The following ANKK1 variants were observed in gnomAD, a reference collection of about 807,000 sequenced individuals.
ANKK1 encodes the protein ankyrin repeat and protein kinase domain-containing protein 1.
Under a neutral mutation model 37.6 loss-of-function variants are expected in ANKK1, and 37 were observed. That is an observed-to-expected ratio of 0.98 (90% CI 0.76 to 1.29). The LOEUF (loss-of-function observed/expected upper bound fraction) is 1.29. Ranked by LOEUF, ANKK1 falls within the 50% of genes most tolerant of loss-of-function variation. The pLI, the probability that ANKK1 is intolerant of heterozygous loss-of-function variation, is 0.00. For synonymous variants in ANKK1, 415 were observed against 418.7 expected (o/e 0.99, Z 0.11); for missense variants, 1,019 against 990.6 (o/e 1.03, Z -0.39).
intron 1 of ANKK1, among the ~76,000 whole-genome samples, chr11:113,390,847 G>A (rs1950582129): frequency 6.6e-6 from 1 of 151,932 alleles, no homozygotes; most frequent in Admixed American, 6.6e-5. Context: ...GTCTAAAGGA[G>A]GAAGACAAAA....
In ANKK1 at chr11:113,387,796, C is replaced by T; in HGVS notation, c.-89C>T. ...GTCTCCCCATTCCCCTCTCCCGGAC[C>T]CGAGGAGCAGGAAGCGGCGGCTCCT... On this transcript the variant is annotated 5_prime_UTR_variant, in exon 1 of 8. Transcript: ENST00000303941. The T allele has an allele frequency of 7.2e-7, 1 of 1,391,488 alleles. No homozygotes were observed. Among genetic ancestry groups the T allele is most frequent in the African/African-American group, 1.5e-5 (1 of 67,814 alleles). 86.2% of individuals were successfully genotyped at this position (1,391,488 alleles called of 1,614,324 possible).
chr11:113,395,952 T>C lies in ANKK1; in HGVS notation c.683-115T>C. 7.4e-6 allele frequency: 9 copies of C among 1,212,316 alleles called. No individual in the cohort carries two copies. In the South Asian group the frequency reaches 1.2e-4, roughly 16 times the overall value. 75.1% of individuals were successfully genotyped at this position (1,212,316 alleles called of 1,614,324 possible). A position where few individuals can be genotyped will look rare whatever the true frequency, so the allele number is the denominator to read the frequency against. ...TAGCTGTTTACTCACCAAGCATTTG[T>C]GGAGCCCCCACTGCGTGCATGCCCT... On this transcript the variant is annotated intron_variant, in intron 4 of 7. Coordinates refer to ENST00000303941, the MANE Select transcript of ANKK1 (RefSeq NM_178510.2).
At chr11:113,390,668 G>A (rs1239677090) in intron 1 of ANKK1, among the ~76,000 whole-genome samples, 1 of 151,024 alleles carries the variant, frequency 6.6e-6, no homozygotes, top group African/African-American at 2.4e-5. Context: ...CCAGGAGGCA[G>A]AGGTTGCAGT....
chr11:113,391,708 T>G (rs1432132436), intron 1 of ANKK1, among the ~76,000 whole-genome samples: 2 of 151,982 alleles, frequency 1.3e-5, no homozygotes, highest in African/African-American at 2.4e-5. Flanking sequence ...AATCAGGAGG[T>G]TAGCTTCAGA....
At chr11:113,390,735 C>CAAA (rs202164619) in intron 1 of ANKK1, among the ~76,000 whole-genome samples, 33 of 84,284 alleles carry the variant, frequency 3.9e-4, no homozygotes, top group African/African-American at 9.8e-4. Context: ...GACTTGGTCT[C>CAAA]AAAAAAAAAA....
At chr11:113,397,449 T>G in intron 6 of ANKK1, 107 bp downstream of exon 6, 1 of 885,210 alleles carries the variant, frequency 1.1e-6, no homozygotes. Context: ...ACAGCCCAGC[T>G]TGGGGCCACC....
In ANKK1 at chr11:113,388,003, G is replaced by C. The variant is rs765213302; in HGVS notation, c.119G>C (p.Arg40Pro). Residue 40 changes from arginine to proline, a missense_variant, in exon 1 of 8, where the codon CGG becomes CCG. Transcript: ENST00000303941. Reference sequence around the variant, plus strand: ...GGCTTCAGCCAGGTGTTCCAGGCGCGGCACAGGCGCTGGCGGACGGAGTAC... The same window carrying C: ...GGCTTCAGCCAGGTGTTCCAGGCGCCGCACAGGCGCTGGCGGACGGAGTAC... Reference protein sequence around the residue: ...SGGFSQVFQARHRRWRTEYAI... With the variant: ...SGGFSQVFQAPHRRWRTEYAI... 3.2e-6 allele frequency: 5 copies of C among 1,569,786 alleles called. No individual in the cohort carries two copies. The highest frequency in any genetic ancestry group is 1.7e-4 in the Middle Eastern group (1 of 5,952).
Position 113,393,613 on chromosome 11 carries a change from G to C in ANKK1, c.318G>C (p.Leu106=), listed in dbSNP as rs983544945. The change falls in exon 2 of 8, where the codon CTG becomes CTC. Residue 106 remains leucine (L), a synonymous_variant. Coordinates refer to ENST00000303941, the MANE Select transcript of ANKK1 (RefSeq NM_178510.2). ...TGGAGTTTATGGCCAACGGCTCCCT[G>C]GAGAAGGTGCTGTCCACCCACAGCC... The part of the protein sequence containing the change: ...IVMEFMANGS[L]EKVLSTHSLC... The C allele has an allele frequency of 3.1e-6, 5 of 1,613,852 alleles. No individual in the cohort carries two copies. Among genetic ancestry groups the C allele is most frequent in the Non-Finnish European group, 3.4e-6 (4 of 1,179,866 alleles).
intron 1 of ANKK1, among the ~76,000 whole-genome samples, chr11:113,389,472 C>T (rs985959024): frequency 2.6e-5 from 4 of 152,190 alleles, no homozygotes; most frequent in African/African-American, 9.7e-5. Context: ...ACGATGAATG[C>T]AACAGATGTG....
intron 1 of ANKK1, among the ~76,000 whole-genome samples, chr11:113,389,512 G>C (rs868186419): frequency 2.6e-5 from 4 of 152,202 alleles, no homozygotes; most frequent in South Asian, 2.1e-4. Flanking sequence ...TGCAGCCTAG[G>C]GGGAGGAAGA....
In ANKK1 at chr11:113,393,575, C is replaced by G. The variant is rs748889388; in HGVS notation, c.280C>G (p.Leu94Val). 6.2e-7 allele frequency: 1 copy of G among 1,614,030 alleles called. No homozygotes were observed. The highest frequency in any genetic ancestry group is 1.7e-5 in the Admixed American group (1 of 60,028). ...TATCTACGGGGTGTGCAAGCAGCCCCTGGGTATTGTGATGGAGTTTATGGC... is the reference window on the plus strand; with the variant it reads ...TATCTACGGGGTGTGCAAGCAGCCCGTGGGTATTGTGATGGAGTTTATGGC... ...VSIYGVCKQP[L>V]GIVMEFMANG... The change falls in exon 2 of 8, where the codon CTG (leucine) becomes GTG (valine). Residue 94 changes from leucine to valine, a missense_variant. Leu to Val is a conservative substitution (Grantham distance 32). Coordinates refer to ENST00000303941, the MANE Select transcript of ANKK1 (RefSeq NM_178510.2).
chr11:113,396,016 C>T (rs1040222857), intron 4 of ANKK1, 51 bp from the exon 5 acceptor site: 5 of 1,594,332 alleles, frequency 3.1e-6, no homozygotes, highest in Non-Finnish European at 3.4e-6. Context: ...TCCCCAGCTC[C>T]CCTCCAGCCC....
intron 7 of ANKK1, among the ~76,000 whole-genome samples, chr11:113,398,279 C>G (rs956447968): frequency 1.4e-5 from 2 of 144,226 alleles, no homozygotes; most frequent in Non-Finnish European, 3.0e-5. Flanking sequence ...CATTGGTTCT[C>G]AAGGCTGGCT....
chr11:113,393,460 T>C (rs908814517), intron 1 of ANKK1, 21 bp from the exon 2 acceptor site: 1 of 1,597,174 alleles, frequency 6.3e-7, no homozygotes, highest in Non-Finnish European at 8.5e-7. Flanking sequence ...CCCTTCCATA[T>C]CTTGCTCCCC....
chr11:113,395,198 C>T (rs771389344), intron 3 of ANKK1, 118 bp downstream of exon 3: 7 of 1,493,742 alleles, frequency 4.7e-6, no homozygotes, highest in East Asian at 4.9e-5. Flanking sequence ...TGGCCCAAGG[C>T]GGAGGACTCT....
intron 4 of ANKK1, 139 bp from the exon 5 acceptor site, chr11:113,395,928 A>G (rs1386339015): frequency 3.1e-6 from 3 of 969,640 alleles, no homozygotes; most frequent in Admixed American, 2.6e-5. Context: ...TTGAAAGTCT[A>G]GCTGTTTACT....
chr11:113,399,871 A>T lies in ANKK1; in HGVS notation c.1902A>T (p.Ala634=). The stretch of plus-strand genomic sequence containing the variant: ...ACTGGACTCCCCTGCACCTAGCTGC[A>T]CGCCACGGGGAGGAGGCGGTGGTGT... ...AVNWTPLHLA[A]RHGEEAVVSA... The change falls in exon 8 of 8, where the codon GCA becomes GCT. Residue 634 remains alanine, a synonymous_variant. Transcript: ENST00000303941. The T allele has an allele frequency of 5.6e-6, 9 of 1,613,030 alleles. No individual in the cohort carries two copies. Among genetic ancestry groups the T allele is most frequent in the Non-Finnish European group, 7.6e-6 (9 of 1,179,730 alleles).
intron 2 of ANKK1, among the ~76,000 whole-genome samples, chr11:113,394,551 G>A (rs1028475544): frequency 5.3e-5 from 8 of 152,148 alleles, no homozygotes; most frequent in African/African-American, 1.7e-4. Context: ...CAGGGCCCCC[G>A]GAGGTGCAAT....
chr11:113,387,805 A>T lies in ANKK1; in HGVS notation c.-80A>T. 4 of 1,403,460 alleles carry T rather than the reference A, an allele frequency of 2.9e-6. No homozygotes were observed. Among genetic ancestry groups the T allele is most frequent in the Non-Finnish European group, 3.7e-6 (4 of 1,068,984 alleles). 86.9% of individuals were successfully genotyped at this position (1,403,460 alleles called of 1,614,324 possible). ...TTCCCCTCTCCCGGACCCGAGGAGC[A>T]GGAAGCGGCGGCTCCTTCGGCCACC... On this transcript the variant is annotated 5_prime_UTR_variant, in exon 1 of 8. Coordinates refer to ENST00000303941, the MANE Select transcript of ANKK1 (RefSeq NM_178510.2).
Sources: gnomAD v4.1 joint callset for allele counts (sites outside exome capture counted in the v4.1 genomes callset) on GRCh38, gnomAD v4.1.1 for gene constraint, MANE v1.5 for transcripts, NCBI Gene and HGNC (gene_info 2026-07-23, HGNC 2026-07-21) for gene names.